Variants in WWP2 observed in about 807,000 individuals in gnomAD.
The protein encoded by WWP2 is NEDD4-like E3 ubiquitin-protein ligase WWP2.
In WWP2, 57 loss-of-function variants were observed where a neutral mutation model predicts 121.0. That is an observed-to-expected ratio of 0.47 (90% CI 0.38 to 0.59). The LOEUF (loss-of-function observed/expected upper bound fraction) is 0.59. Ranked by LOEUF, WWP2 falls within the 20% of genes least tolerant of loss-of-function variation. The pLI, the probability that WWP2 is intolerant of heterozygous loss-of-function variation, is 0.00. For synonymous variants in WWP2, 449 were observed against 441.3 expected (o/e 1.02, Z -0.22); for missense variants, 962 against 1,158.9 (o/e 0.83, Z 2.47).
At position 69,937,737 on chromosome 16, in the gene WWP2, A is replaced by T; in HGVS notation, c.2343+85A>T. 7.4e-7 allele frequency: 1 copy of T among 1,349,286 alleles called. No homozygotes were observed. 83.6% of individuals were successfully genotyped at this position (1,349,286 alleles called of 1,614,324 possible). On this transcript the variant is annotated intron_variant, in intron 21 of 23. Coordinates refer to ENST00000359154, the MANE Select transcript of WWP2 (RefSeq NM_001270454.2). This position sits in a 1 kb window ranked among gnomAD's most constrained non-coding sequence, Gnocchi z 6.6. ...TCCTGAGGAGGCCTCACGCGCAAGGACCTTCAGCTTTGGCCCTGTCCTTGC... is the reference window on the plus strand; with the variant it reads ...TCCTGAGGAGGCCTCACGCGCAAGGTCCTTCAGCTTTGGCCCTGTCCTTGC...
chr16:69,896,183 G>A (rs558278696), intron 8 of WWP2, among the ~76,000 whole-genome samples: 10 of 152,164 alleles, frequency 6.6e-5, no homozygotes, highest in South Asian at 4.2e-4. Context: ...GTATAGTGGC[G>A]TGATCATAGC....
intron 2 of WWP2, 89 bp downstream of exon 2, chr16:69,787,169 T>C (rs2055811392): frequency 9.6e-7 from 1 of 1,041,246 alleles, no homozygotes; most frequent in African/African-American, 1.6e-5. Context: ...AGCCAAATTT[T>C]GTGAAATAGT....
chr16:69,881,010 T>C (rs2057818639), intron 7 of WWP2, among the ~76,000 whole-genome samples: 1 of 152,000 alleles, frequency 6.6e-6, no homozygotes, highest in Admixed American at 6.6e-5. Flanking sequence ...GTGACTAGAG[T>C]GTGTCCCAGT....
intron 6 of WWP2, among the ~76,000 whole-genome samples, chr16:69,870,981 C>A (rs1411324159): frequency 6.6e-6 from 1 of 152,150 alleles, no homozygotes; most frequent in Non-Finnish European, 1.5e-5. Flanking sequence ...GTTGAGTCAT[C>A]TTTTCTAGAT....
chr16:69,914,071 CAAAAAAAAAAA>C (rs34269202), intron 9 of WWP2, among the ~76,000 whole-genome samples: 7 of 32,212 alleles, frequency 2.2e-4, no homozygotes, highest in African/African-American at 4.5e-4. Context: ...GACTCTGTCT[CAAAAAAAAAAA>C]AAAAAAAAAA....
At chr16:69,862,705 A>ATT in intron 6 of WWP2, among the ~76,000 whole-genome samples, 1 of 130,134 alleles carries the variant, frequency 7.7e-6, no homozygotes, top group Non-Finnish European at 1.6e-5. Flanking sequence ...CCAGCCATGA[A>ATT]TTCTTTTTTT....
intron 6 of WWP2, among the ~76,000 whole-genome samples, chr16:69,864,950 T>C (rs749444637): frequency 6.6e-6 from 1 of 151,870 alleles, no homozygotes; most frequent in Non-Finnish European, 1.5e-5. Flanking sequence ...TGTAATGATA[T>C]CTCATTGTAG....
intron 2 of WWP2, among the ~76,000 whole-genome samples, chr16:69,788,489 C>T (rs2055839795): frequency 6.6e-6 from 1 of 152,196 alleles, no homozygotes. Context: ...AGCCTCCTTG[C>T]TCTTCAGTGA....
intron 18 of WWP2, 33 bp from the exon 19 acceptor site, chr16:69,936,279 G>T (rs765791996): frequency 6.2e-7 from 1 of 1,613,674 alleles, no homozygotes; most frequent in Non-Finnish European, 8.5e-7. Flanking sequence ...TGACACGGTA[G>T]ACATCTCCCC....
At chr16:69,906,363 C>T (rs540571935) in intron 8 of WWP2, among the ~76,000 whole-genome samples, 12 of 152,292 alleles carry the variant, frequency 7.9e-5, no homozygotes, top group East Asian at 7.7e-4. Context: ...TCAGCCACCG[C>T]ACCCGGCCTT....
chr16:69,920,262 C>T (rs897868054), intron 10 of WWP2, among the ~76,000 whole-genome samples: 6 of 152,276 alleles, frequency 3.9e-5, no homozygotes, highest in African/African-American at 1.4e-4. Flanking sequence ...TAGTAAGTTG[C>T]TCCAGGGTCG....
chr16:69,778,307 T>A (rs2055585223), intron 1 of WWP2, among the ~76,000 whole-genome samples: 1 of 151,638 alleles, frequency 6.6e-6, no homozygotes, highest in African/African-American at 2.4e-5. Context: ...ATGAAATACT[T>A]TGTTCATCTG....
At chr16:69,923,248 T>A (rs1264788126) in intron 10 of WWP2, among the ~76,000 whole-genome samples, 1 of 144,584 alleles carries the variant, frequency 6.9e-6, no homozygotes, top group Non-Finnish European at 1.5e-5. Flanking sequence ...TGTTTATCAG[T>A]CTCTGGTGTC....
chr16:69,896,487 C>T (rs1253571469), intron 8 of WWP2, among the ~76,000 whole-genome samples: 3 of 152,090 alleles, frequency 2.0e-5, no homozygotes, highest in Non-Finnish European at 4.4e-5. Context: ...GTTCCCTGTA[C>T]CCAGCATACA....
chr16:69,871,691 G>C (rs1170222082), intron 6 of WWP2, 113 bp from the exon 7 acceptor site: 20 of 1,479,130 alleles, frequency 1.4e-5, no homozygotes, highest in Admixed American at 2.0e-5. Flanking sequence ...GGCTATTAAA[G>C]GTCTTGTTTC....
chr16:69,807,325 G>A (rs920723006), intron 4 of WWP2, among the ~76,000 whole-genome samples: 2 of 152,048 alleles, frequency 1.3e-5, no homozygotes, highest in Admixed American at 6.6e-5. Flanking sequence ...GTGAGCCACC[G>A]TGCCTGGCCT....
intron 9 of WWP2, chr16:69,909,733 G>A (rs2058352443): frequency 1.0e-5 from 10 of 967,842 alleles, no homozygotes; most frequent in Non-Finnish European, 1.1e-5. Flanking sequence ...AAAAAAACAG[G>A]TTAAGTGTTT....
chr16:69,859,105 C>T (rs1163780632), intron 6 of WWP2, among the ~76,000 whole-genome samples: 1 of 152,216 alleles, frequency 6.6e-6, no homozygotes, highest in African/African-American at 2.4e-5. Flanking sequence ...AAACTCAGGG[C>T]TTAAAACAAC....
At chr16:69,827,980 A>T (rs1339505336) in intron 4 of WWP2, 2 of 447,758 alleles carry the variant, frequency 4.5e-6, no homozygotes, top group Non-Finnish European at 9.0e-6. Context: ...AAGAGGATCC[A>T]CAGCTGGTTC....
Sources: gnomAD v4.1 joint callset for allele counts (sites outside exome capture counted in the v4.1 genomes callset) on GRCh38, gnomAD v4.1.1 for gene constraint, Gnocchi (gnomAD v3.1) non-coding constraint, MANE v1.5 for transcripts, NCBI Gene and HGNC (gene_info 2026-07-23, HGNC 2026-07-21) for gene names.